MTA3: variants seen among roughly 807,000 people sequenced by gnomAD.
MTA3 encodes metastasis associated 1 family member 3, also known as metastasis-associated protein MTA3.
Under a neutral mutation model 83.5 loss-of-function variants are expected in MTA3, and 34 were observed. That is an observed-to-expected ratio of 0.41 (90% CI 0.31 to 0.54). MTA3 has a LOEUF of 0.54. Ranked by LOEUF, MTA3 falls within the 20% of genes least tolerant of loss-of-function variation. MTA3 has a pLI of 0.33. For missense variants in MTA3, 761 were observed against 726.4 expected (o/e 1.05, Z -0.55); for synonymous variants, 303 against 252.7 (o/e 1.20, Z -1.89).
At chr2:42,517,017 T>C (rs1385627448) in intron 2 of MTA3, among the ~76,000 whole-genome samples, 1 of 152,104 alleles carries the variant, frequency 6.6e-6, no homozygotes, top group Non-Finnish European at 1.5e-5. Flanking sequence ...CCCAGCACTT[T>C]GGGAGGCCGA....
intron 16 of MTA3, among the ~76,000 whole-genome samples, chr2:42,741,087 C>T (rs1668995882): frequency 6.6e-6 from 1 of 152,254 alleles, no homozygotes; most frequent in Admixed American, 6.5e-5. Flanking sequence ...TACATCAGCG[C>T]TTGCTGCTTT....
intron 9 of MTA3, among the ~76,000 whole-genome samples, chr2:42,683,319 A>G (rs1692091737): frequency 6.6e-6 from 1 of 152,102 alleles, no homozygotes; most frequent in Non-Finnish European, 1.5e-5. Context: ...CTGGACCCTT[A>G]ATGAAATGAC....
intron 4 of MTA3, among the ~76,000 whole-genome samples, chr2:42,627,919 C>T (rs979091602): frequency 6.6e-6 from 1 of 151,904 alleles, no homozygotes; most frequent in East Asian, 1.9e-4. Context: ...GAGCCTCACT[C>T]TGTTGCCCAG....
At chr2:42,610,899 A>G (rs1248923918) in intron 4 of MTA3, among the ~76,000 whole-genome samples, 2 of 151,074 alleles carry the variant, frequency 1.3e-5, no homozygotes. Context: ...CTGTATTTCT[A>G]TTTCTTTTGT....
chr2:42,589,507 A>G (rs1039821759), intron 3 of MTA3, among the ~76,000 whole-genome samples: 2 of 152,038 alleles, frequency 1.3e-5, no homozygotes, highest in African/African-American at 2.4e-5. Flanking sequence ...CTTTTTTCCA[A>G]TTTTAATAAA....
chr2:42,728,645 C>G (rs377433921), intron 16 of MTA3, among the ~76,000 whole-genome samples: 3 of 152,166 alleles, frequency 2.0e-5, no homozygotes, highest in South Asian at 4.1e-4. Context: ...TGGATAAGAG[C>G]TATTTTAACT....
chr2:42,741,437 C>T (rs954665001), intron 16 of MTA3, among the ~76,000 whole-genome samples: 1 of 152,218 alleles, frequency 6.6e-6, no homozygotes, highest in South Asian at 2.1e-4. Flanking sequence ...GCCTGACTTG[C>T]AACCTCTCTT....
rs148785622 is a variant in MTA3 at position 42,687,368 on chromosome 2, T to C, written c.891+4779T>C. Among the ~76,000 whole-genome samples the C allele has an allele frequency of 4.6e-5, 7 of 152,356 alleles. No individual in the cohort carries two copies. In the East Asian group the frequency reaches 1.3e-3, roughly 29 times the overall value. ...ACATAATGCATCTGGTATTCATCAG[T>C]GTTGCTGCATATATCAGTCGTTCAT... On this transcript the variant is annotated intron_variant, in intron 9 of 16. Transcript: ENST00000405094.
intron 4 of MTA3, 112 bp from the exon 5 acceptor site, chr2:42,640,061 A>C (rs1177108596): frequency 5.6e-6 from 4 of 708,572 alleles, no homozygotes; most frequent in African/African-American, 3.6e-5. Flanking sequence ...ATATATTCCT[A>C]ACTGCCATGT....
At chr2:42,662,877 G>T (rs748684303) in intron 8 of MTA3, among the ~76,000 whole-genome samples, 2 of 151,716 alleles carry the variant, frequency 1.3e-5, no homozygotes, top group Non-Finnish European at 2.9e-5. Flanking sequence ...GATTACAGGC[G>T]CACGTCACCA....
intron 4 of MTA3, among the ~76,000 whole-genome samples, chr2:42,617,867 C>G (rs1573313463): frequency 1.3e-5 from 2 of 151,976 alleles, no homozygotes; most frequent in Non-Finnish European, 2.9e-5. Flanking sequence ...TTTTATTCCC[C>G]TCCTCGCTTG....
chr2:42,517,735 A>G (rs1037652873), intron 2 of MTA3, among the ~76,000 whole-genome samples: 27 of 147,552 alleles, frequency 1.8e-4, no homozygotes, highest in African/African-American at 6.3e-4. Context: ...CAAATTAGCC[A>G]GGTGTGGTGG....
At chr2:42,527,897 A>G (rs1487048433) in intron 2 of MTA3, among the ~76,000 whole-genome samples, 2 of 150,824 alleles carry the variant, frequency 1.3e-5, no homozygotes, top group African/African-American at 2.4e-5. Context: ...AGATAGCATG[A>G]GATCTCTCCT....
intron 2 of MTA3, among the ~76,000 whole-genome samples, chr2:42,510,744 G>C (rs1028652658): frequency 6.6e-6 from 1 of 152,140 alleles, no homozygotes. Flanking sequence ...GGGAAGAAGC[G>C]TTCCAGCAAA....
chr2:42,673,658 A>AG (rs1415678285), intron 8 of MTA3, among the ~76,000 whole-genome samples: 1 of 152,176 alleles, frequency 6.6e-6, no homozygotes, highest in Non-Finnish European at 1.5e-5. Context: ...ATAAAAGGCA[A>AG]GGAGGCAGGA....
intron 4 of MTA3, among the ~76,000 whole-genome samples, chr2:42,619,029 A>G (rs978879993): frequency 6.6e-6 from 1 of 152,182 alleles, no homozygotes; most frequent in African/African-American, 2.4e-5. Context: ...AGTAATGCTT[A>G]TTCTTCAGTG....
chr2:42,563,827 CCTTCCTTT>C (rs1385935436), upstream of MTA3, among the ~76,000 whole-genome samples: 5 of 143,414 alleles, frequency 3.5e-5, no homozygotes, highest in East Asian at 2.2e-4. Context: ...TTCCTTCCTT[CCTTCCTTT>C]CTTTTTTGAT....
intron 4 of MTA3, among the ~76,000 whole-genome samples, chr2:42,639,063 C>CTTTT (rs563252870): frequency 5.0e-5 from 7 of 138,728 alleles, no homozygotes; most frequent in African/African-American, 5.3e-5. Context: ...TTCTTTCTTT[C>CTTTT]TTTTTTTTTT....
intron 9 of MTA3, among the ~76,000 whole-genome samples, chr2:42,688,438 T>C (rs1692583952): frequency 2.0e-5 from 3 of 152,200 alleles, no homozygotes; most frequent in African/African-American, 4.8e-5. Flanking sequence ...TAGCATTTCA[T>C]TTCGGTTTTA....
Sources: allele counts gnomAD v4.1 joint callset (sites outside exome capture counted in the v4.1 genomes callset), GRCh38; gene constraint gnomAD v4.1.1; transcripts MANE v1.5; gene names NCBI Gene and HGNC (gene_info 2026-07-23, HGNC 2026-07-21).